NEURL4: variants seen among roughly 807,000 people sequenced by gnomAD.
NEURL4 encodes neuralized E3 ubiquitin protein ligase 4.
Under a neutral mutation model 148.0 loss-of-function variants are expected in NEURL4, and 45 were observed. The ratio of observed to expected loss-of-function variants is 0.30; its 90% CI spans 0.24 to 0.39. NEURL4 has a LOEUF of 0.39. NEURL4 is among the 10% of genes least tolerant of loss of function. NEURL4 has a pLI of 1.00. For synonymous variants in NEURL4, 854 were observed against 869.0 expected, an observed-to-expected ratio of 0.98 and a Z score of 0.30; for missense variants, 1,776 against 2,144.0, an observed-to-expected ratio of 0.83 and a Z score of 3.39.
intron 28 of NEURL4, among the ~76,000 whole-genome samples, chr17:7,316,783 T>C (rs2072952445): frequency 6.6e-6 from 1 of 151,922 alleles, no homozygotes; most frequent in South Asian, 2.1e-4. Context: ...TTATCCGGGC[T>C]TGGTGGTGCG....
At position 7,325,340 on chromosome 17, in the gene NEURL4, C is replaced by T. The variant is rs377542719; in HGVS notation, c.1500G>A (p.Ala500=). Residue 500 remains alanine (A), a synonymous_variant, in exon 8 of 29, where the codon GCG becomes GCA. Coordinates refer to ENST00000399464, the MANE Select transcript of NEURL4 (RefSeq NM_032442.3). ...RLRRNNAILR[A]LSPEGALRRA... ...GGCGGAGAGCACCCTCGGGGGACAG[C>T]GCCCGCAGGATGGCGTTGTTTCGGC... 2.1e-5 allele frequency: 34 copies of T among 1,613,194 alleles called. No homozygotes were observed. Among genetic ancestry groups the T allele is most frequent in the Middle Eastern group, 1.6e-4 (1 of 6,064 alleles).
rs1193778142 is a variant in NEURL4 at position 7,316,117 on chromosome 17, C to T, written c.*6G>A. On this transcript the variant is annotated 3_prime_UTR_variant, in exon 29 of 29. Coordinates refer to ENST00000399464, the MANE Select transcript of NEURL4 (RefSeq NM_032442.3). ...GACTGTGCTTGTAGTAGTGGTGTCT[C>T]ACCCCTCATTCCACCCGTACCAGCA... is the stretch of plus-strand genomic sequence containing the variant. 7.1e-7 allele frequency: 1 copy of T among 1,416,988 alleles called. No homozygotes were observed. The highest frequency in any genetic ancestry group is 1.1e-5 in the South Asian group (1 of 87,114). 87.8% of individuals were successfully genotyped at this position (1,416,988 alleles called of 1,614,324 possible).
rs961065873 is a variant in NEURL4, at chr17:7,324,744, G to C, written c.1813+55C>G. ...GCTGCAGAACAAGTGCCAGGGCTTT[G>C]GGGATAGCTTCCCCCCAAAACCCTA... On this transcript the variant is annotated intron_variant, in intron 9 of 28. Coordinates refer to ENST00000399464, the MANE Select transcript of NEURL4 (RefSeq NM_032442.3). The surrounding 1 kb of genome is among the most constrained non-coding windows in gnomAD (Gnocchi z 5.9). The C allele has an allele frequency of 3.2e-6, 5 of 1,575,976 alleles. No homozygotes were observed. Among genetic ancestry groups the C allele is most frequent in the Non-Finnish European group, 4.4e-6 (5 of 1,147,936 alleles).
At position 7,327,547 on chromosome 17, in the gene NEURL4, G is replaced by C. The variant is rs1283936567; in HGVS notation, c.620C>G (p.Pro207Arg). 6 of 1,609,824 alleles carry C rather than the reference G, an allele frequency of 3.7e-6. No individual in the cohort carries two copies. The highest frequency in any genetic ancestry group is 4.2e-6 in the Non-Finnish European group (5 of 1,178,630). Residue 207 changes from proline to arginine, a missense_variant, in exon 2 of 29, where the codon CCT becomes CGT. By Grantham distance (103) the Pro-to-Arg change is moderately radical (BLOSUM62 -2). Coordinates refer to ENST00000399464, the MANE Select transcript of NEURL4 (RefSeq NM_032442.3). The surrounding 1 kb of genome is among the most constrained non-coding windows in gnomAD (Gnocchi z 6.6). ...GKCTQITVLPPEPGFSPPTPI... is the reference protein window; with the variant it reads ...GKCTQITVLPREPGFSPPTPI... ...AGTAGGGGGGCTGAAGCCTGGCTCA[G>C]GGGGTAGCACGGTGATCTGGGTGCA... is the stretch of plus-strand genomic sequence containing the variant.
chr17:7,317,851 C>T lies in NEURL4; in HGVS notation c.4142G>A (p.Arg1381Lys). The T allele has an allele frequency of 6.2e-7, 1 of 1,614,168 alleles. No homozygotes were observed. The highest frequency in any genetic ancestry group is 1.1e-5 in the South Asian group (1 of 91,092). Residue 1381 changes from arginine (R) to lysine (K), a missense_variant, in exon 26 of 29, where the codon AGG becomes AAG. By Grantham distance (26) the Arg-to-Lys change is conservative. Transcript: ENST00000399464. ...CRKLRGDEAH[R>K]RRGEPPREYA... ...TTCCCGGGGAGGCTCCCCTCTGCGC[C>T]TGTGGGCCTCGTCTCCTCGCAGCTT...
At position 7,324,273 on chromosome 17, in the gene NEURL4, TG is replaced by T. The variant is rs748344628; in HGVS notation, c.1900-4del. The T allele has an allele frequency of 1.9e-6, 3 of 1,613,862 alleles. No individual in the cohort carries two copies. Among genetic ancestry groups the T allele is most frequent in the Non-Finnish European group, 2.5e-6 (3 of 1,179,876 alleles). ...ACCACGCCCACCGTGTCCCCTGCCT[TG>T]GAAGAAGGGGGTGCTGGAGTGAGGA... On this transcript the variant is annotated splice_region_variant and splice_polypyrimidine_tract_variant and intron_variant, in intron 10 of 28. Coordinates refer to ENST00000399464, the MANE Select transcript of NEURL4 (RefSeq NM_032442.3). This position sits in a 1 kb window ranked among gnomAD's most constrained non-coding sequence, Gnocchi z 5.9.
chr17:7,317,078 G>T, intron 28 of NEURL4, 127 bp downstream of exon 28: 1 of 591,822 alleles, frequency 1.7e-6, no homozygotes, highest in Non-Finnish European at 2.7e-6. Context: ...GGGCTGAGTT[G>T]GAGACTGGCA....
intron 28 of NEURL4, 32 bp from the exon 29 acceptor site, chr17:7,316,359 C>T (rs757836310): frequency 3.8e-5 from 60 of 1,571,150 alleles, no homozygotes; most frequent in Non-Finnish European, 5.2e-5. Context: ...GGGAGTGAAG[C>T]CTCTCGCCCC....
chr17:7,323,383 G>T, intron 14 of NEURL4, 102 bp downstream of exon 14: 1 of 1,220,880 alleles, frequency 8.2e-7, no homozygotes, highest in Non-Finnish European at 1.2e-6. Context: ...AGATCCCCTA[G>T]GTCTGTCACT....
chr17:7,323,394 A>G (rs1597635667), intron 14 of NEURL4, 91 bp downstream of exon 14: 11 of 1,343,354 alleles, frequency 8.2e-6, no homozygotes, highest in African/African-American at 1.4e-5. Flanking sequence ...GTCTGTCACT[A>G]CCCACAGCCA....
Position 7,321,377 on chromosome 17 carries a change from G to A in NEURL4, c.3182C>T (p.Ala1061Val). 1.2e-6 allele frequency: 2 copies of A among 1,614,084 alleles called. No individual in the cohort carries two copies. The highest frequency in any genetic ancestry group is 8.5e-7 in the Non-Finnish European group (1 of 1,180,010). Reference protein sequence around the residue: ...LVDGEDMGPAATGIAKNVWAV... With the variant: ...LVDGEDMGPAVTGIAKNVWAV... ...CAGGTCTACCTTGGCAATGCCAGTGGCTGCAGGCCCCATATCCTCTCCATC... is the reference window on the plus strand; with the variant it reads ...CAGGTCTACCTTGGCAATGCCAGTGACTGCAGGCCCCATATCCTCTCCATC... The change falls in exon 19 of 29, where the codon GCC becomes GTC. Residue 1061 changes from alanine to valine, a missense_variant. By Grantham distance (64) the Ala-to-Val change is moderately conservative (BLOSUM62 0). Coordinates refer to ENST00000399464, the MANE Select transcript of NEURL4 (RefSeq NM_032442.3). The surrounding 1 kb of genome is among the most constrained non-coding windows in gnomAD (Gnocchi z 6.3).
intron 21 of NEURL4, 46 bp downstream of exon 21, chr17:7,320,713 G>A: frequency 6.3e-7 from 1 of 1,575,726 alleles, no homozygotes; most frequent in Non-Finnish European, 8.6e-7. Context: ...TTGGCCATGG[G>A]TCACTGTGGA....
In NEURL4 at chr17:7,324,337, GC is replaced by G; in HGVS notation, c.1899+57del. Reference sequence around the variant, plus strand: ...TCCTGCCGGGGCTGGTCCTGCATCAGCCCCGCGGTGTTTGTGATGCCCGCTG... The same window carrying G: ...TCCTGCCGGGGCTGGTCCTGCATCAGCCCGCGGTGTTTGTGATGCCCGCTG... On this transcript the variant is annotated intron_variant, in intron 10 of 28. Coordinates refer to ENST00000399464, the MANE Select transcript of NEURL4 (RefSeq NM_032442.3). The surrounding 1 kb of genome is among the most constrained non-coding windows in gnomAD (Gnocchi z 5.9). 1.2e-6 allele frequency: 2 copies of G among 1,613,860 alleles called. No homozygotes were observed. The highest frequency in any genetic ancestry group is 4.5e-5 in the East Asian group (2 of 44,872).
intron 1 of NEURL4, 140 bp from the exon 2 acceptor site, chr17:7,328,024 T>G (rs2073126093): frequency 1.5e-6 from 1 of 684,462 alleles, no homozygotes; most frequent in East Asian, 2.7e-5. Context: ...AGTGATTTTC[T>G]GGACTCCGTC....
rs1357457898 is a variant in NEURL4 at position 7,326,342 on chromosome 17, G to A, written c.1206C>T (p.Gly402=). The part of the protein sequence containing the change: ...YPATMTNLQS[G]TIMMSGCGIL... The stretch of plus-strand genomic sequence containing the variant: ...TTCCACAGCCGCTCATCATGATGGT[G>A]CCTGGGTGATAGTGGACACTTGGGT... Residue 402 remains glycine, a splice_region_variant and synonymous_variant, in exon 6 of 29, where the codon GGC becomes GGT. Transcript: ENST00000399464. This position sits in a 1 kb window ranked among gnomAD's most constrained non-coding sequence, Gnocchi z 6.0. 6.2e-7 allele frequency: 1 copy of A among 1,614,050 alleles called. No individual in the cohort carries two copies. The highest frequency in any genetic ancestry group is 1.3e-5 in the African/African-American group (1 of 74,924).
Position 7,322,045 on chromosome 17 carries a change from T to C in NEURL4, c.2726-35A>G, listed in dbSNP as rs1210219354. 6.4e-7 allele frequency: 1 copy of C among 1,561,152 alleles called. No individual in the cohort carries two copies. On this transcript the variant is annotated intron_variant, in intron 16 of 28. Transcript: ENST00000399464. The surrounding 1 kb of genome is among the most constrained non-coding windows in gnomAD (Gnocchi z 5.5). ...GATGGCACCAGTAGAAGGGGTAGGATTGGGGCAGCGAGCTTCAGGCAGAAC... is the reference window on the plus strand; with the variant it reads ...GATGGCACCAGTAGAAGGGGTAGGACTGGGGCAGCGAGCTTCAGGCAGAAC...
intron 26 of NEURL4, 28 bp downstream of exon 26, chr17:7,317,760 G>A (rs753838281): frequency 6.2e-6 from 10 of 1,609,544 alleles, no homozygotes; most frequent in Admixed American, 5.0e-5. Flanking sequence ...AAACAGTAGG[G>A]GAAAGGCATG....
chr17:7,320,677 C>T (rs1038064533), intron 21 of NEURL4, 82 bp downstream of exon 21: 3 of 1,351,924 alleles, frequency 2.2e-6, no homozygotes, highest in East Asian at 2.3e-5. Flanking sequence ...TTTTTCTCCA[C>T]ACAAAAAGGC....
Position 7,323,861 on chromosome 17 carries a change from G to C in NEURL4, c.2214C>G (p.Arg738=). 2 of 1,614,098 alleles carry C rather than the reference G, an allele frequency of 1.2e-6. No homozygotes were observed. Among genetic ancestry groups the C allele is most frequent in the Non-Finnish European group, 1.7e-6 (2 of 1,180,036 alleles). Residue 738 remains arginine (R), a synonymous_variant, in exon 12 of 29, where the codon CGC becomes CGG. Coordinates refer to ENST00000399464, the MANE Select transcript of NEURL4 (RefSeq NM_032442.3). ...VITNGGRTAL[R]HNCRSEFNDA... is the part of the protein sequence containing the mutation. ...CATTAAACTCGCTGCGACAGTTGTG[G>C]CGGAGGGCGGTGCGGCCCCCGTTAG...
Sources: gnomAD v4.1 joint callset for allele counts (sites outside exome capture counted in the v4.1 genomes callset) on GRCh38, gnomAD v4.1.1 for gene constraint, Gnocchi (gnomAD v3.1) non-coding constraint, MANE v1.5 for transcripts, NCBI Gene and HGNC (gene_info 2026-07-23, HGNC 2026-07-21) for gene names.